KIF6: variants seen among roughly 807,000 people sequenced by gnomAD.
KIF6 encodes kinesin family member 6.
In KIF6, 106 loss-of-function variants were observed where a neutral mutation model predicts 112.7. That is an observed-to-expected ratio of 0.94 (90% CI 0.80 to 1.11). The LOEUF (loss-of-function observed/expected upper bound fraction) is 1.11, where lower values mean the gene tolerates loss of function less well. Ranked by LOEUF, KIF6 falls within the 50% of genes least tolerant of loss-of-function variation. The pLI is 0.00. For missense variants in KIF6, 929 were observed against 964.0 expected (o/e 0.96, Z 0.48); for synonymous variants, 339 against 339.9 (o/e 1.00, Z 0.03).
chr6:39,524,172 GAT>G (rs1554232222), intron 13 of KIF6, among the ~76,000 whole-genome samples: 3 of 149,602 alleles, frequency 2.0e-5, no homozygotes, highest in African/African-American at 7.5e-5. Context: ...GAGAGAGAGA[GAT>G]AGAAACAGAG....
chr6:39,477,882 T>A (rs888357968), intron 13 of KIF6, among the ~76,000 whole-genome samples: 1 of 151,852 alleles, frequency 6.6e-6, no homozygotes, highest in African/African-American at 2.4e-5. Flanking sequence ...TAAATAAAAA[T>A]AAAAAATAAA....
intron 7 of KIF6, among the ~76,000 whole-genome samples, chr6:39,588,303 T>G (rs1334221088): frequency 1.3e-5 from 2 of 152,156 alleles, no homozygotes; most frequent in Non-Finnish European, 2.9e-5. Flanking sequence ...AGCCTTTGCC[T>G]CCTGGGTTCA....
intron 7 of KIF6, among the ~76,000 whole-genome samples, chr6:39,586,632 A>G (rs188140742): frequency 3.9e-5 from 6 of 152,336 alleles, no homozygotes; most frequent in African/African-American, 1.4e-4. Flanking sequence ...GAGCCCCATA[A>G]TTTTTGGACA....
chr6:39,614,448 A>T (rs866212585), intron 5 of KIF6, among the ~76,000 whole-genome samples: 1 of 152,222 alleles, frequency 6.6e-6, no homozygotes, highest in Non-Finnish European at 1.5e-5. Context: ...AGAATATCTT[A>T]AAAATGAAGA....
chr6:39,603,427 A>T (rs920354177), intron 6 of KIF6, among the ~76,000 whole-genome samples: 2 of 152,086 alleles, frequency 1.3e-5, no homozygotes, highest in African/African-American at 4.8e-5. Flanking sequence ...AAGCTATTTC[A>T]TATGGTAAAA....
intron 8 of KIF6, among the ~76,000 whole-genome samples, chr6:39,585,982 G>T (rs1561837937): frequency 6.6e-6 from 1 of 152,166 alleles, no homozygotes; most frequent in Non-Finnish European, 1.5e-5. Flanking sequence ...GGGTGACATT[G>T]CCAACCCATC....
intron 13 of KIF6, among the ~76,000 whole-genome samples, chr6:39,477,309 C>T (rs1018650984): frequency 2.0e-5 from 3 of 152,156 alleles, no homozygotes; most frequent in Non-Finnish European, 2.9e-5. Context: ...TTGGAAATCT[C>T]TGTAAAACTT....
intron 13 of KIF6, among the ~76,000 whole-genome samples, chr6:39,482,039 C>T: frequency 6.6e-6 from 1 of 151,792 alleles, no homozygotes; most frequent in Non-Finnish European, 1.5e-5. Flanking sequence ...CACACACACA[C>T]ACCCCACTGG....
chr6:39,346,584 C>T, intron 19 of KIF6, 58 bp from the exon 20 acceptor site: 2 of 652,044 alleles, frequency 3.1e-6, no homozygotes, highest in Middle Eastern at 4.0e-4. Context: ...TTTGTTATAG[C>T]AGCCTGAGCA....
chr6:39,500,870 A>G (rs532906145), intron 13 of KIF6, among the ~76,000 whole-genome samples: 13 of 152,056 alleles, frequency 8.5e-5, no homozygotes, highest in Non-Finnish European at 1.9e-4. Flanking sequence ...GGAAGCCCTC[A>G]GAGAAGGTAA....
chr6:39,529,387 T>C (rs1184844398), intron 13 of KIF6, among the ~76,000 whole-genome samples: 3 of 152,096 alleles, frequency 2.0e-5, no homozygotes, highest in Non-Finnish European at 4.4e-5. Context: ...TGGGAGAAAA[T>C]ATTGTAAGCC....
chr6:39,647,802 G>A (rs1046152497), intron 3 of KIF6, among the ~76,000 whole-genome samples: 2 of 151,206 alleles, frequency 1.3e-5, no homozygotes, highest in African/African-American at 4.9e-5. Flanking sequence ...CGCCTCCCGG[G>A]TTCAGTTCAA....
At chr6:39,648,586 C>A (rs1785298866) in intron 3 of KIF6, among the ~76,000 whole-genome samples, 1 of 152,144 alleles carries the variant, frequency 6.6e-6, no homozygotes, top group African/African-American at 2.4e-5. Flanking sequence ...ATTTGAATGC[C>A]TTTTTGCGAG....
chr6:39,712,338 T>A (rs1789603899), intron 3 of KIF6, among the ~76,000 whole-genome samples: 2 of 150,944 alleles, frequency 1.3e-5, no homozygotes, highest in Non-Finnish European at 3.0e-5. Flanking sequence ...AAAAAAAGAA[T>A]ACAAGGAGAA....
rs773227128 is a variant in KIF6 at position 39,725,277 on chromosome 6, C to A, written c.34G>T (p.Val12Leu). The change falls in exon 1 of 23, where the codon GTG becomes TTG. Residue 12 changes from valine (V) to leucine (L), a missense_variant. By Grantham distance (32) the Val-to-Leu change is conservative. Coordinates refer to ENST00000287152, the MANE Select transcript of KIF6 (RefSeq NM_145027.6). The stretch of plus-strand genomic sequence containing the variant: ...TGGTGCTTCCGGACAGGGGGCTTCA[C>A]CCTCGCGAATATCTGGATAGTCTGC... ...VKQTIQIFAR[V>L]KPPVRKHQQG... 1 of 1,611,072 alleles carries A rather than the reference C, an allele frequency of 6.2e-7. No homozygotes were observed. Among genetic ancestry groups the A allele is most frequent in the Non-Finnish European group, 8.5e-7 (1 of 1,178,848 alleles).
intron 3 of KIF6, among the ~76,000 whole-genome samples, chr6:39,672,636 C>T (rs771244689): frequency 1.3e-5 from 2 of 152,170 alleles, no homozygotes; most frequent in Non-Finnish European, 2.9e-5. Flanking sequence ...GGAAAGTCCA[C>T]AATCAAGGCT....
intron 13 of KIF6, among the ~76,000 whole-genome samples, chr6:39,449,320 C>G (rs1772535744): frequency 6.6e-6 from 1 of 152,248 alleles, no homozygotes; most frequent in Non-Finnish European, 1.5e-5. Flanking sequence ...CTGGCGTCAT[C>G]TGGTCCCTGG....
intron 3 of KIF6, among the ~76,000 whole-genome samples, chr6:39,652,304 G>A (rs1296214814): frequency 6.6e-6 from 1 of 152,022 alleles, no homozygotes; most frequent in African/African-American, 2.4e-5. Context: ...CCAAGCAGGT[G>A]GATTACCTAA....
chr6:39,468,931 T>C (rs1328723186), intron 13 of KIF6, among the ~76,000 whole-genome samples: 1 of 152,086 alleles, frequency 6.6e-6, no homozygotes, highest in Non-Finnish European at 1.5e-5. Flanking sequence ...TAGTTGTTAG[T>C]AATAGCACAA....
Sources: allele counts gnomAD v4.1 joint callset (sites outside exome capture counted in the v4.1 genomes callset), GRCh38; gene constraint gnomAD v4.1.1; transcripts MANE v1.5; gene names NCBI Gene and HGNC (gene_info 2026-07-23, HGNC 2026-07-21).